KCNB2: variants seen among roughly 807,000 people sequenced by gnomAD.
The protein encoded by KCNB2 is delayed rectifier potassium channel protein.
In KCNB2, 15 loss-of-function variants were observed where a neutral mutation model predicts 61.5. That is an observed-to-expected ratio of 0.24 (90% confidence interval 0.16 to 0.38). The LOEUF (loss-of-function observed/expected upper bound fraction) is 0.38, where lower values mean the gene tolerates loss of function less well. Among genes scored for constraint, KCNB2 ranks in the 10% least tolerant of loss-of-function variants. KCNB2 has a pLI of 1.00. For missense variants in KCNB2, 828 were observed against 1,125.2 expected, an observed-to-expected ratio of 0.74 and a Z score of 3.78; for synonymous variants, 457 against 446.0, an observed-to-expected ratio of 1.02 and a Z score of -0.31.
At chr8:72,901,286 T>G (rs1356188596) in intron 2 of KCNB2, among the ~76,000 whole-genome samples, 5 of 152,122 alleles carry the variant, frequency 3.3e-5, no homozygotes, top group African/African-American at 1.2e-4. Context: ...AGTAACAATG[T>G]TGGGCACATT....
chr8:72,832,626 C>T (rs892607295), intron 2 of KCNB2, among the ~76,000 whole-genome samples: 1 of 152,316 alleles, frequency 6.6e-6, no homozygotes, highest in African/African-American at 2.4e-5. Flanking sequence ...ACTTAACCCG[C>T]TTCCAAGCTA....
chr8:72,713,601 T>C (rs917266517), intron 2 of KCNB2, among the ~76,000 whole-genome samples: 6 of 152,234 alleles, frequency 3.9e-5, no homozygotes, highest in Non-Finnish European at 8.8e-5. Flanking sequence ...CTGAGGGTCC[T>C]GACTGTTAGA....
chr8:72,834,414 G>A lies in KCNB2; in HGVS notation c.580-101521G>A, dbSNP rs10429372. Among the ~76,000 whole-genome samples the A allele has an allele frequency of 3.3e-3, 506 of 152,296 alleles. 1 individual carries two copies. The highest frequency in any genetic ancestry group is 0.011 in the African/African-American group (470 of 41,558). On this transcript the variant is annotated intron_variant, in intron 2 of 2. Transcript: ENST00000523207. The stretch of plus-strand genomic sequence containing the variant: ...TGAAGCAGACAGGGCATGAACTTGG[G>A]TCAGTTCTGGAGCGATGTGAGCATC...
intron 2 of KCNB2, among the ~76,000 whole-genome samples, chr8:72,918,494 C>T (rs1806443536): frequency 6.6e-6 from 1 of 152,116 alleles, no homozygotes; most frequent in African/African-American, 2.4e-5. Flanking sequence ...TGTTGGATTG[C>T]ATTTGCATAA....
chr8:72,711,852 C>G (rs1392586204), intron 2 of KCNB2, among the ~76,000 whole-genome samples: 1 of 152,090 alleles, frequency 6.6e-6, no homozygotes, highest in Non-Finnish European at 1.5e-5. Flanking sequence ...ATTAGCCAGG[C>G]TTGGTTGCAG....
At chr8:72,824,979 T>A (rs997163984) in intron 2 of KCNB2, among the ~76,000 whole-genome samples, 2 of 152,314 alleles carry the variant, frequency 1.3e-5, no homozygotes, top group East Asian at 1.9e-4. Flanking sequence ...TGTGCAACCA[T>A]CACCATCATC....
intron 1 of KCNB2, among the ~76,000 whole-genome samples, chr8:72,545,639 A>C (rs1343196400): frequency 6.6e-6 from 1 of 152,106 alleles, no homozygotes; most frequent in African/African-American, 2.4e-5. Context: ...AAAATAGGCC[A>C]ATTAATAACC....
intron 2 of KCNB2, among the ~76,000 whole-genome samples, chr8:72,758,909 C>G (rs1229258180): frequency 1.3e-5 from 2 of 152,116 alleles, no homozygotes; most frequent in East Asian, 1.9e-4. Context: ...TAAAATAAGC[C>G]AAGTGCTATT....
At chr8:72,873,795 ATCT>A (rs1805657383) in intron 2 of KCNB2, among the ~76,000 whole-genome samples, 2 of 152,256 alleles carry the variant, frequency 1.3e-5, no homozygotes, top group African/African-American at 4.8e-5. Context: ...GGTAATTCAC[ATCT>A]TCTGCTATAA....
intron 2 of KCNB2, among the ~76,000 whole-genome samples, chr8:72,896,448 C>T (rs986215855): frequency 2.0e-5 from 3 of 152,016 alleles, no homozygotes; most frequent in African/African-American, 4.8e-5. Flanking sequence ...GTAAATGAAA[C>T]GTTCAAATTA....
chr8:72,685,298 T>A (rs1206818015), intron 2 of KCNB2, among the ~76,000 whole-genome samples: 1 of 152,148 alleles, frequency 6.6e-6, no homozygotes, highest in Non-Finnish European at 1.5e-5. Flanking sequence ...ATTTCAGGGT[T>A]TTTTTTCTTC....
intron 2 of KCNB2, among the ~76,000 whole-genome samples, chr8:72,725,447 C>T (rs1585854707): frequency 6.7e-6 from 1 of 149,332 alleles, no homozygotes; most frequent in African/African-American, 2.5e-5. Context: ...CTCTTCTGCT[C>T]GTGGGAGCAT....
chr8:72,689,392 C>T (rs1311190687), intron 2 of KCNB2, among the ~76,000 whole-genome samples: 1 of 152,150 alleles, frequency 6.6e-6, no homozygotes, highest in African/African-American at 2.4e-5. Flanking sequence ...TAACATTGAA[C>T]TTTATTGAGG....
intron 2 of KCNB2, among the ~76,000 whole-genome samples, chr8:72,703,134 G>A (rs1012482672): frequency 6.6e-5 from 10 of 152,156 alleles, no homozygotes; most frequent in Admixed American, 5.2e-4. Flanking sequence ...GAAATTAAAG[G>A]CCTTTTCTTT....
chr8:72,755,757 G>A (rs1452469354), intron 2 of KCNB2, among the ~76,000 whole-genome samples: 1 of 152,162 alleles, frequency 6.6e-6, no homozygotes, highest in East Asian at 1.9e-4. Flanking sequence ...GTTTTATAAG[G>A]CAACTGTTTT....
intron 2 of KCNB2, among the ~76,000 whole-genome samples, chr8:72,844,650 T>C (rs1378502523): frequency 2.0e-5 from 3 of 152,228 alleles, no homozygotes; most frequent in Non-Finnish European, 4.4e-5. Context: ...TTCATTCTTT[T>C]TCTCTAATCT....
At chr8:72,684,299 C>T (rs1057154709) in intron 2 of KCNB2, among the ~76,000 whole-genome samples, 2 of 152,104 alleles carry the variant, frequency 1.3e-5, no homozygotes, top group Non-Finnish European at 2.9e-5. Flanking sequence ...TCTGATGTTC[C>T]CCTGGGACAT....
rs1585756443 is a variant in KCNB2, at chr8:72,568,188, C to T, written c.454C>T (p.Leu152=). ...HQKKEQMNEE[L]RREAETMRER... is the part of the protein sequence containing the mutation. ...AAAAAAAGAACAAATGAACGAAGAACTGAGGCGAGAGGCAGAGACTATGCG... is the reference window on the plus strand; with the variant it reads ...AAAAAAAGAACAAATGAACGAAGAATTGAGGCGAGAGGCAGAGACTATGCG... Residue 152 remains leucine, a synonymous_variant, in exon 2 of 3, where the codon CTG becomes TTG. Coordinates refer to ENST00000523207, the MANE Select transcript of KCNB2 (RefSeq NM_004770.3). The T allele has an allele frequency of 1.9e-6, 3 of 1,614,054 alleles. No individual in the cohort carries two copies. Among genetic ancestry groups the T allele is most frequent in the Non-Finnish European group, 2.5e-6 (3 of 1,180,030 alleles).
intron 2 of KCNB2, among the ~76,000 whole-genome samples, chr8:72,863,170 C>A (rs962351557): frequency 2.6e-5 from 4 of 152,126 alleles, no homozygotes; most frequent in East Asian, 1.9e-4. Context: ...TTAATAAATT[C>A]TAATGGTTTA....
Sources: allele counts gnomAD v4.1 joint callset (sites outside exome capture counted in the v4.1 genomes callset), GRCh38; gene constraint gnomAD v4.1.1; transcripts MANE v1.5; gene names NCBI Gene and HGNC (gene_info 2026-07-23, HGNC 2026-07-21).